Variants in LMO7 observed in about 807,000 individuals in gnomAD.
The protein encoded by LMO7 is LIM domain only protein 7.
In LMO7, 120 loss-of-function variants were observed where a neutral mutation model predicts 206.5. The observed-to-expected ratio is 0.58, with a 90% CI of 0.50 to 0.68. The LOEUF (loss-of-function observed/expected upper bound fraction) is 0.68. Ranked by LOEUF, LMO7 falls within the 30% of genes least tolerant of loss-of-function variation. LMO7 has a pLI of 0.00. For missense variants in LMO7, 1,959 were observed against 1,957.9 expected (o/e 1.00, Z -0.01); for synonymous variants, 706 against 681.5 (o/e 1.04, Z -0.56).
At chr13:75,656,152 C>T (rs947919816) in intron 1 of LMO7, among the ~76,000 whole-genome samples, 3 of 152,158 alleles carry the variant, frequency 2.0e-5, no homozygotes, top group Admixed American at 6.5e-5. Context: ...CGGGCAAAGC[C>T]TTACTGTGGG....
At chr13:75,732,298 A>T (rs2045326646) in intron 3 of LMO7, among the ~76,000 whole-genome samples, 1 of 152,032 alleles carries the variant, frequency 6.6e-6, no homozygotes, top group Admixed American at 6.5e-5. Context: ...ACATAGTCCC[A>T]TATTTCTTGG....
In LMO7 at chr13:75,697,516, C is replaced by T. The variant is rs545043811; in HGVS notation, c.70-15666C>T. Among the ~76,000 whole-genome samples, 84 of 152,262 alleles carry T rather than the reference C, an allele frequency of 5.5e-4. 1 individual carries two copies. Among genetic ancestry groups the T allele is most frequent in the Admixed American group, 5.5e-3 (84 of 15,290 alleles). On this transcript the variant is annotated intron_variant, in intron 1 of 30. Transcript: ENST00000377534. ...AAGAACAGTATAGGGGAAACTGCCC[C>T]CATGATTCAATTATCTCCCACTGGG...
intron 2 of LMO7, among the ~76,000 whole-genome samples, chr13:75,718,323 A>T (rs1282447775): frequency 6.6e-6 from 1 of 152,198 alleles, no homozygotes; most frequent in Non-Finnish European, 1.5e-5. Flanking sequence ...GTGGCCTTAA[A>T]GTTGAGGGTT....
chr13:75,683,603 G>A (rs1426246470), intron 1 of LMO7, among the ~76,000 whole-genome samples: 1 of 152,208 alleles, frequency 6.6e-6, no homozygotes, highest in Non-Finnish European at 1.5e-5. Context: ...TATGAAGTGT[G>A]AACCCAATAG....
chr13:75,801,676 A>G (rs2140940784), intron 7 of LMO7, among the ~76,000 whole-genome samples: 1 of 152,282 alleles, frequency 6.6e-6, no homozygotes, highest in Middle Eastern at 3.4e-3. Flanking sequence ...TGAAACCACA[A>G]GTGAAGTTTT....
At chr13:75,737,597 C>G (rs1275519636) in intron 3 of LMO7, among the ~76,000 whole-genome samples, 2 of 146,268 alleles carry the variant, frequency 1.4e-5, no homozygotes, top group African/African-American at 2.5e-5. Flanking sequence ...ACTAAAAATA[C>G]AAAAAATTAG....
At position 75,752,868 on chromosome 13, in the gene LMO7, A is replaced by G. The variant is rs146607700; in HGVS notation, c.211-8064A>G. On this transcript the variant is annotated intron_variant, in intron 3 of 30. Coordinates refer to ENST00000377534, the MANE Select transcript of LMO7 (RefSeq NM_001306080.2). The stretch of plus-strand genomic sequence containing the variant: ...CTTAGGTTGATTCCATATCTTTGCT[A>G]TTGTGAATAGTGCTGCAGAAAACAT... Among the ~76,000 whole-genome samples, 693 of 152,270 alleles carry G rather than the reference A, an allele frequency of 4.6e-3. 7 individuals carry two copies. Among genetic ancestry groups the G allele is most frequent in the African/African-American group, 0.016 (652 of 41,546 alleles).
intron 1 of LMO7, among the ~76,000 whole-genome samples, chr13:75,691,588 T>C (rs2041481111): frequency 6.6e-6 from 1 of 152,154 alleles, no homozygotes; most frequent in African/African-American, 2.4e-5. Context: ...CACTCCAGTG[T>C]TGATCTCTTT....
At chr13:75,787,424 G>GT (rs1245696264) in intron 4 of LMO7, among the ~76,000 whole-genome samples, 1 of 152,144 alleles carries the variant, frequency 6.6e-6, no homozygotes, top group Admixed American at 6.5e-5. Context: ...TGTGTGTGTG[G>GT]TTTGTTTCTC....
At chr13:75,711,649 G>A (rs1315483844) in intron 1 of LMO7, among the ~76,000 whole-genome samples, 1 of 152,214 alleles carries the variant, frequency 6.6e-6, no homozygotes, top group Non-Finnish European at 1.5e-5. Flanking sequence ...CCCAGTGAGA[G>A]GAAGCCAGTA....
chr13:75,709,570 A>G (rs376083741), intron 1 of LMO7, among the ~76,000 whole-genome samples: 6 of 152,006 alleles, frequency 3.9e-5, no homozygotes, highest in South Asian at 2.1e-4. Context: ...ATTTTTTCAT[A>G]TGTCTTTTGG....
At chr13:75,737,778 AAAAT>A (rs2046001529) in intron 3 of LMO7, among the ~76,000 whole-genome samples, 1 of 15,378 alleles carries the variant, frequency 6.5e-5, no homozygotes, top group Non-Finnish European at 1.1e-4. Flanking sequence ...AAAATAAAAT[AAAAT>A]AAAAAAAAAA....
chr13:75,635,039 A>T (rs2035595724), upstream of LMO7, among the ~76,000 whole-genome samples: 1 of 143,480 alleles, frequency 7.0e-6, no homozygotes, highest in Non-Finnish European at 1.5e-5. Context: ...AAAACAAAAC[A>T]AAAACAAACA....
At chr13:75,692,447 A>G (rs760856426) in intron 1 of LMO7, among the ~76,000 whole-genome samples, 9 of 148,562 alleles carry the variant, frequency 6.1e-5, no homozygotes, top group Non-Finnish European at 1.0e-4. Context: ...GTGCAGTGGC[A>G]TGATCATAAC....
intron 3 of LMO7, among the ~76,000 whole-genome samples, chr13:75,736,555 C>T (rs1383119703): frequency 6.6e-6 from 1 of 152,220 alleles, no homozygotes; most frequent in Non-Finnish European, 1.5e-5. Flanking sequence ...TTCTAGTTTA[C>T]AGCTGCGTAT....
At chr13:75,737,195 A>G (rs889583791) in intron 3 of LMO7, among the ~76,000 whole-genome samples, 2 of 152,198 alleles carry the variant, frequency 1.3e-5, no homozygotes, top group Non-Finnish European at 2.9e-5. Context: ...ACAGACACAC[A>G]GGAAGAATGC....
chr13:75,853,216 CA>C lies in LMO7; in HGVS notation c.4490del (p.Gln1497ArgfsTer26). The C allele has an allele frequency of 1.2e-6, 2 of 1,614,112 alleles. No homozygotes were observed. Among genetic ancestry groups the C allele is most frequent in the Non-Finnish European group, 1.7e-6 (2 of 1,180,006 alleles). ...SVQDFSRPPP[Q>X]LVSTSNRAYM... ...GCAAGACTTTAGTCGCCCACCACCT[CA>C]GCTGGTGTCCACATCAAACCGTGCC... On this transcript the variant is annotated frameshift_variant, in exon 28 of 31. Coordinates refer to ENST00000377534, the MANE Select transcript of LMO7 (RefSeq NM_001306080.2). LOFTEE classifies it high-confidence loss of function.
intron 1 of LMO7, among the ~76,000 whole-genome samples, chr13:75,663,432 C>CTTTCTTT (rs1555289857): frequency 0.23 from 25,864 of 111,146 alleles, 3,449 homozygotes; most frequent in Non-Finnish European, 0.27. Context: ...TTCTTTCTTT[C>CTTTCTTT]TTTTTTTTTT....
chr13:75,746,776 C>T (rs2046877582), intron 3 of LMO7, among the ~76,000 whole-genome samples: 1 of 151,292 alleles, frequency 6.6e-6, no homozygotes, highest in African/African-American at 2.4e-5. Context: ...TTTTTAATTC[C>T]TGCAAGGTAC....
Sources: allele counts gnomAD v4.1 joint callset (sites outside exome capture counted in the v4.1 genomes callset), GRCh38; gene constraint gnomAD v4.1.1; transcripts MANE v1.5; gene names NCBI Gene and HGNC (gene_info 2026-07-23, HGNC 2026-07-21).